The following FLI1 variants were observed in gnomAD, a reference collection of about 807,000 sequenced individuals.
The protein encoded by FLI1 is Fli-1 proto-oncogene, ETS transcription factor.
FLI1 carries 13 observed loss-of-function variants against 53.1 expected under a neutral mutation model. The observed-to-expected ratio is 0.24, with a 90% CI of 0.16 to 0.39. FLI1 has a LOEUF of 0.39. Ranked by LOEUF, FLI1 falls within the 10% of genes least tolerant of loss-of-function variation. The probability of loss-of-function intolerance (pLI) is 1.00; values close to 1 mark genes in which losing one functional copy is unlikely to be tolerated. For synonymous variants in FLI1, 244 were observed against 236.7 expected (o/e 1.03, Z -0.28); for missense variants, 424 against 600.5 (o/e 0.71, Z 3.07).
intron 2 of FLI1, among the ~76,000 whole-genome samples, chr11:128,767,113 G>A (rs542324492): frequency 7.9e-5 from 12 of 152,292 alleles, no homozygotes; most frequent in African/African-American, 2.6e-4. Context: ...GCTTCAGGGC[G>A]CCAGGTGGCC....
Position 128,710,351 on chromosome 11 carries a change from C to T in FLI1, c.18+16075C>T, listed in dbSNP as rs115212984. Among the ~76,000 whole-genome samples the T allele has an allele frequency of 7.1e-3, 1,076 of 152,068 alleles. 11 individuals are homozygous for T. Among genetic ancestry groups the T allele is most frequent in the African/African-American group, 0.021 (851 of 41,470 alleles). ...CTTCTTTTGCAATCTTTTTATTGAA[C>T]GCATTGAACTAGGTATTAGGGTGTT... On this transcript the variant is annotated intron_variant, in intron 1 of 8. Coordinates refer to ENST00000527786, the MANE Select transcript of FLI1 (RefSeq NM_002017.5).
Position 128,812,556 on chromosome 11 carries a change from G to A in FLI1, c.*1568G>A, listed in dbSNP as rs1942960088. ...GTACAGCAGAAGGTAAAAAATCAGT[G>A]TGGTTTTTCATTGTTGTTGATGATG... is the stretch of plus-strand genomic sequence containing the variant. On this transcript the variant is annotated 3_prime_UTR_variant, in exon 9 of 9. Transcript: ENST00000527786. The A allele has an allele frequency of 8.9e-6, 2 of 225,112 alleles. No individual in the cohort carries two copies. The highest frequency in any genetic ancestry group is 1.1e-4 in the Admixed American group (2 of 17,518). 13.9% of individuals were successfully genotyped at this position (225,112 alleles called of 1,614,324 possible). A position where few individuals can be genotyped will look rare whatever the true frequency, so the allele number is the denominator to read the frequency against.
At chr11:128,751,263 G>A (rs1014599806) in intron 1 of FLI1, among the ~76,000 whole-genome samples, 12 of 152,120 alleles carry the variant, frequency 7.9e-5, no homozygotes, top group Admixed American at 2.6e-4. Context: ...AGTAGGTATC[G>A]CTCTGGCTTT....
chr11:128,780,403 C>T (rs1941874274), intron 4 of FLI1, among the ~76,000 whole-genome samples: 1 of 152,176 alleles, frequency 6.6e-6, no homozygotes, highest in African/African-American at 2.4e-5. Context: ...TGAGACCAGC[C>T]TGACCAACAT....
intron 1 of FLI1, among the ~76,000 whole-genome samples, chr11:128,724,033 C>T (rs1467654396): frequency 1.3e-5 from 2 of 149,690 alleles, no homozygotes; most frequent in Admixed American, 6.7e-5. Context: ...ACCTCTGCCT[C>T]CCAGGTTCAA....
intron 1 of FLI1, among the ~76,000 whole-genome samples, chr11:128,710,733 C>T (rs929178409): frequency 6.6e-6 from 1 of 152,202 alleles, no homozygotes; most frequent in South Asian, 2.1e-4. Context: ...CATTGTCCTA[C>T]CACCTTAACT....
chr11:128,716,260 C>T (rs654723), intron 1 of FLI1, among the ~76,000 whole-genome samples: 2 of 151,890 alleles, frequency 1.3e-5, no homozygotes, highest in African/African-American at 4.8e-5. Context: ...CCCCTCCAAG[C>T]CAAAATGTCA....
intron 5 of FLI1, among the ~76,000 whole-genome samples, chr11:128,798,313 T>C (rs1942505175): frequency 6.6e-6 from 1 of 152,144 alleles, no homozygotes; most frequent in Non-Finnish European, 1.5e-5. Context: ...CTTATCAAAA[T>C]AAATAGGTCA....
chr11:128,767,141 C>A (rs1053838860), intron 2 of FLI1, among the ~76,000 whole-genome samples: 19 of 152,160 alleles, frequency 1.2e-4, no homozygotes, highest in African/African-American at 3.6e-4. Context: ...GGACTTCACC[C>A]CTCCAGACAG....
At chr11:128,761,293 C>T (rs1258525950) in intron 2 of FLI1, among the ~76,000 whole-genome samples, 1 of 152,170 alleles carries the variant, frequency 6.6e-6, no homozygotes. Context: ...ACCTGAACCT[C>T]ACCTTTTCAG....
chr11:128,747,609 T>C (rs1940454307), intron 1 of FLI1, among the ~76,000 whole-genome samples: 1 of 152,264 alleles, frequency 6.6e-6, no homozygotes, highest in South Asian at 2.1e-4. Context: ...CATCTCAGTC[T>C]GGCTTTGCTT....
chr11:128,734,365 C>T (rs1000192689), intron 1 of FLI1, among the ~76,000 whole-genome samples: 3 of 152,290 alleles, frequency 2.0e-5, no homozygotes, highest in Non-Finnish European at 1.5e-5. Context: ...AGGCTATTCT[C>T]GTGCGTGTGC....
intron 1 of FLI1, among the ~76,000 whole-genome samples, chr11:128,705,495 A>G (rs562889777): frequency 6.6e-6 from 1 of 152,152 alleles, no homozygotes; most frequent in South Asian, 2.1e-4. Flanking sequence ...TCTTCATTCT[A>G]TTCCACTCAT....
chr11:128,709,211 C>T (rs375351664), intron 1 of FLI1, among the ~76,000 whole-genome samples: 1 of 152,182 alleles, frequency 6.6e-6, no homozygotes, highest in Non-Finnish European at 1.5e-5. Flanking sequence ...TTTCTACCAA[C>T]CTTACTAATA....
chr11:128,772,241 T>C (rs899832479), intron 3 of FLI1, among the ~76,000 whole-genome samples: 3 of 152,190 alleles, frequency 2.0e-5, no homozygotes, highest in African/African-American at 7.2e-5. Context: ...GATGCCCTGG[T>C]AGAAATTTCT....
chr11:128,720,622 C>T (rs894303574), intron 1 of FLI1, among the ~76,000 whole-genome samples: 1 of 152,222 alleles, frequency 6.6e-6, no homozygotes, highest in Non-Finnish European at 1.5e-5. Flanking sequence ...AGCACAAAGA[C>T]ACCCACAACT....
intron 1 of FLI1, among the ~76,000 whole-genome samples, chr11:128,752,513 A>G (rs1236370176): frequency 6.6e-6 from 1 of 152,248 alleles, no homozygotes; most frequent in Non-Finnish European, 1.5e-5. Flanking sequence ...CTAAGTTACA[A>G]TAAACACCGG....
At chr11:128,801,637 C>G (rs1942640978) in intron 5 of FLI1, among the ~76,000 whole-genome samples, 1 of 152,176 alleles carries the variant, frequency 6.6e-6, no homozygotes, top group South Asian at 2.1e-4. Flanking sequence ...AATCTTTTGC[C>G]TGGAGGCTTA....
At chr11:128,714,983 AG>A (rs1938950016) in intron 1 of FLI1, among the ~76,000 whole-genome samples, 1 of 152,136 alleles carries the variant, frequency 6.6e-6, no homozygotes. Context: ...CTGGGATGAC[AG>A]GGGTGAGCTA....
Sources: allele counts gnomAD v4.1 joint callset (sites outside exome capture counted in the v4.1 genomes callset), GRCh38; gene constraint gnomAD v4.1.1; transcripts MANE v1.5; gene names NCBI Gene and HGNC (gene_info 2026-07-23, HGNC 2026-07-21).